The following EIF2AK1 variants were observed in gnomAD, a reference collection of about 807,000 sequenced individuals.
The protein encoded by EIF2AK1 is eukaryotic translation initiation factor 2 alpha kinase 1.
Under a neutral mutation model 77.9 loss-of-function variants are expected in EIF2AK1, and 54 were observed. That is an observed-to-expected ratio of 0.69 (90% CI 0.56 to 0.87). The LOEUF (loss-of-function observed/expected upper bound fraction) is 0.87. Ranked by LOEUF, EIF2AK1 falls within the 40% of genes least tolerant of loss-of-function variation. The pLI, the probability that EIF2AK1 is intolerant of heterozygous loss-of-function variation, is 0.00. For synonymous variants in EIF2AK1, 314 were observed against 290.5 expected, an observed-to-expected ratio of 1.08 and a Z score of -0.82; for missense variants, 810 against 768.6, an observed-to-expected ratio of 1.05 and a Z score of -0.64.
Position 6,032,912 on chromosome 7 carries a change from G to T in EIF2AK1, c.1333-3880C>A. 1 of 1,550,796 alleles carries T rather than the reference G, an allele frequency of 6.4e-7. No individual in the cohort carries two copies. The highest frequency in any genetic ancestry group is 1.2e-5 in the South Asian group (1 of 84,058). ...GCCCAGAGTCTGCTCTGCCTGTTAC[G>T]GCACGGTGCTGACCCAGAAGTCAGG... On this transcript the variant is annotated intron_variant, in intron 11 of 14. Coordinates refer to ENST00000199389, the MANE Select transcript of EIF2AK1 (RefSeq NM_014413.4). This position sits in a 1 kb window ranked among gnomAD's most constrained non-coding sequence, Gnocchi z 4.3.
intron 8 of EIF2AK1, among the ~76,000 whole-genome samples, chr7:6,041,557 G>A (rs1359048332): frequency 6.8e-6 from 1 of 146,180 alleles, no homozygotes; most frequent in Non-Finnish European, 1.5e-5. Context: ...AAAAAAAAAA[G>A]TCGGCCGGGT....
intron 11 of EIF2AK1, 98 bp from the exon 12 acceptor site, chr7:6,029,130 GC>G: frequency 9.8e-7 from 1 of 1,015,344 alleles, no homozygotes. Context: ...GGAGCAAGCA[GC>G]CCCTCAAAAG....
chr7:6,024,839 C>CTTTTTT, intron 14 of EIF2AK1, 38 bp from the exon 15 acceptor site: 1 of 1,112,664 alleles, frequency 9.0e-7, no homozygotes, highest in Non-Finnish European at 1.2e-6. Context: ...ATTAAAATAA[C>CTTTTTT]TTTTTTTTTT....
intron 2 of EIF2AK1, among the ~76,000 whole-genome samples, chr7:6,054,237 C>T (rs1301443731): frequency 6.6e-6 from 1 of 151,570 alleles, no homozygotes; most frequent in Non-Finnish European, 1.5e-5. Context: ...GACAGTCTCA[C>T]TCTTTCACCC....
intron 1 of EIF2AK1, among the ~76,000 whole-genome samples, chr7:6,055,476 G>A (rs1322181478): frequency 1.3e-5 from 2 of 151,494 alleles, no homozygotes; most frequent in Non-Finnish European, 2.9e-5. Flanking sequence ...AATAATATAA[G>A]GTAAGTGTTC....
Position 6,032,243 on chromosome 7 carries a change from C to T in EIF2AK1, c.1333-3211G>A, listed in dbSNP as rs944395702. Among the ~76,000 whole-genome samples the T allele has an allele frequency of 1.3e-5, 2 of 152,186 alleles. No homozygotes were observed. Among genetic ancestry groups the T allele is most frequent in the Non-Finnish European group, 2.9e-5 (2 of 68,032 alleles). ...CATTTTCATTTTCTAAATTTTTATA[C>T]AATGATTATTACTTTTACAATTAAA... On this transcript the variant is annotated intron_variant, in intron 11 of 14. Transcript: ENST00000199389. The surrounding 1 kb of genome is among the most constrained non-coding windows in gnomAD (Gnocchi z 4.3).
chr7:6,036,018 C>T lies in EIF2AK1; in HGVS notation c.1332+1406G>A. 5.2e-6 allele frequency: 8 copies of T among 1,551,100 alleles called. No individual in the cohort carries two copies. Among genetic ancestry groups the T allele is most frequent in the Non-Finnish European group, 7.0e-6 (8 of 1,147,126 alleles). On this transcript the variant is annotated intron_variant, in intron 11 of 14. Transcript: ENST00000199389. This position sits in a 1 kb window ranked among gnomAD's most constrained non-coding sequence, Gnocchi z 4.6. ...AGGCAGAGAGGCAATCATCAATCTC[C>T]TGCTTGAATTTGAAGCAAATGTTAA...
chr7:6,056,613 AAT>A (rs71008353), intron 1 of EIF2AK1, among the ~76,000 whole-genome samples: 27 of 43,724 alleles, frequency 6.2e-4, no homozygotes, highest in Admixed American at 2.1e-3. Context: ...AAAAAAAAAA[AAT>A]ATATATATAT....
At position 6,038,657 on chromosome 7, in the gene EIF2AK1, C is replaced by A. The variant is rs1388645260; in HGVS notation, c.1134G>T (p.Leu378=). ...FLGQTEAQYH[L]MLHIQMQLCE... is the part of the protein sequence containing the mutation. ...ACAGCTGCATCTGGATGTGCAGCAT[C>A]AGGTGGTACTGTGCCTAGGAGAGGA... Residue 378 remains leucine, a synonymous_variant, in exon 10 of 15, where the codon CTG becomes CTT. Transcript: ENST00000199389. The A allele has an allele frequency of 1.2e-6, 2 of 1,612,018 alleles. No individual in the cohort carries two copies. The highest frequency in any genetic ancestry group is 8.5e-7 in the Non-Finnish European group (1 of 1,178,962).
chr7:6,036,731 CA>C lies in EIF2AK1; in HGVS notation c.1332+692del, dbSNP rs1788110325. ...GTCATTATAGACTTTTCTAAAACAG[CA>C]AAAAAACTTCCGATTTTGTTAAACT... On this transcript the variant is annotated intron_variant, in intron 11 of 14. Coordinates refer to ENST00000199389, the MANE Select transcript of EIF2AK1 (RefSeq NM_014413.4). This position sits in a 1 kb window ranked among gnomAD's most constrained non-coding sequence, Gnocchi z 4.6. Among the ~76,000 whole-genome samples, 1 of 151,704 alleles carries C rather than the reference CA, an allele frequency of 6.6e-6. No individual in the cohort carries two copies. Among genetic ancestry groups the C allele is most frequent in the Non-Finnish European group, 1.5e-5 (1 of 67,930 alleles).
chr7:6,044,433 G>A (rs555520460), intron 7 of EIF2AK1, 129 bp downstream of exon 7: 19 of 717,484 alleles, frequency 2.6e-5, no homozygotes, highest in Middle Eastern at 7.6e-4. Context: ...GTGAGACTCC[G>A]TCTCAAAAAA....
chr7:6,049,628 T>TC lies in EIF2AK1; in HGVS notation c.411+283_411+284insG, dbSNP rs200808955. On this transcript the variant is annotated intron_variant, in intron 3 of 14. Transcript: ENST00000199389. ...TGGCCTCTCCTTTGCCTCTCCTCTC[T>TC]TTTTTTTTTTTTTTTTCAGGCAGGT... 3.8e-5 allele frequency among the ~76,000 whole-genome samples: 3 copies of TC among 78,816 alleles called. 1 individual carries two copies. Among genetic ancestry groups the TC allele is most frequent in the African/African-American group, 1.5e-4 (2 of 13,354 alleles). The allele number at this position is 78,816 out of a possible 152,430, so 51.7% of individuals were successfully genotyped here.
At chr7:6,034,845 G>A (rs894490595) in intron 11 of EIF2AK1, among the ~76,000 whole-genome samples, 8 of 152,110 alleles carry the variant, frequency 5.3e-5, no homozygotes, top group African/African-American at 1.4e-4. Context: ...AATGAACTTC[G>A]GAATGACCAC....
At position 6,023,602 on chromosome 7, in the gene EIF2AK1, A is replaced by G. The variant is rs565466567; in HGVS notation, c.*1071T>C. The G allele has an allele frequency of 2.5e-6, 4 of 1,614,198 alleles. No homozygotes were observed. The Admixed American group carries it at 5.0e-5, about 20-fold the overall frequency. On this transcript the variant is annotated 3_prime_UTR_variant, in exon 15 of 15. Transcript: ENST00000199389. The stretch of plus-strand genomic sequence containing the variant: ...TGTACTCCAGCAGATCGGAGGCTGC[A>G]GTGTGACAGTGCCAGCCAATGTGCA...
intron 11 of EIF2AK1, among the ~76,000 whole-genome samples, chr7:6,034,739 T>C (rs145104132): frequency 2.6e-4 from 39 of 152,312 alleles, no homozygotes; most frequent in Non-Finnish European, 3.8e-4. Flanking sequence ...ATAATAAACC[T>C]TCCTTTTGCT....
At position 6,035,741 on chromosome 7, in the gene EIF2AK1, C is replaced by A. The variant is rs1788059436; in HGVS notation, c.1332+1683G>T. The A allele has an allele frequency of 1.3e-6, 2 of 1,550,932 alleles. No homozygotes were observed. Among genetic ancestry groups the A allele is most frequent in the Admixed American group, 3.9e-5 (2 of 50,962 alleles). The stretch of plus-strand genomic sequence containing the variant: ...CTATTAATGAAGCCAGCATGACACC[C>A]CTTCACATGGCCGCAAACATGCTGA... On this transcript the variant is annotated intron_variant, in intron 11 of 14. Transcript: ENST00000199389. The surrounding 1 kb of genome is among the most constrained non-coding windows in gnomAD (Gnocchi z 5.5).
chr7:6,035,416 T>C lies in EIF2AK1; in HGVS notation c.1332+2008A>G, dbSNP rs1016568692. 3.3e-6 allele frequency: 5 copies of C among 1,532,852 alleles called. No individual in the cohort carries two copies. Among genetic ancestry groups the C allele is most frequent in the East Asian group, 2.5e-5 (1 of 40,586 alleles). The allele number at this position is 1,532,852 out of a possible 1,614,324, so 95.0% of individuals were successfully genotyped here. On this transcript the variant is annotated intron_variant, in intron 11 of 14. Coordinates refer to ENST00000199389, the MANE Select transcript of EIF2AK1 (RefSeq NM_014413.4). This position sits in a 1 kb window ranked among gnomAD's most constrained non-coding sequence, Gnocchi z 5.5. ...AGAGCCGTTCCCACTGTGAATTCAGTGTAACGTGTAATCAATACCCATTCT... is the reference window on the plus strand; with the variant it reads ...AGAGCCGTTCCCACTGTGAATTCAGCGTAACGTGTAATCAATACCCATTCT...
Position 6,023,417 on chromosome 7 carries a change from C to T in EIF2AK1, c.*1256G>A, listed in dbSNP as rs370354397. On this transcript the variant is annotated 3_prime_UTR_variant, in exon 15 of 15. Coordinates refer to ENST00000199389, the MANE Select transcript of EIF2AK1 (RefSeq NM_014413.4). The stretch of plus-strand genomic sequence containing the variant: ...GGCCAGAAGCATAATGCTGTCAACG[C>T]AACCCTTATAGATAGCTGGGTAGAT... 3.1e-6 allele frequency: 5 copies of T among 1,614,240 alleles called. No homozygotes were observed. The African/African-American group carries it at 5.3e-5, about 17-fold the overall frequency.
Position 6,023,762 on chromosome 7 carries a change from G to C in EIF2AK1, c.*911C>G. Reference sequence around the variant, plus strand: ...TCTTTCATGCCTATTATCAGTAAGGGGACTTGTATTAGAGTCAGAGTCTTT... The same window carrying C: ...TCTTTCATGCCTATTATCAGTAAGGCGACTTGTATTAGAGTCAGAGTCTTT... On this transcript the variant is annotated 3_prime_UTR_variant, in exon 15 of 15. Transcript: ENST00000199389. The C allele has an allele frequency of 6.2e-7, 1 of 1,610,194 alleles. No individual in the cohort carries two copies. Among genetic ancestry groups the C allele is most frequent in the Non-Finnish European group, 8.5e-7 (1 of 1,177,728 alleles).
Sources: allele counts gnomAD v4.1 joint callset (sites outside exome capture counted in the v4.1 genomes callset), GRCh38; gene constraint gnomAD v4.1.1; non-coding constraint Gnocchi (gnomAD v3.1); transcripts MANE v1.5; gene names NCBI Gene and HGNC (gene_info 2026-07-23, HGNC 2026-07-21).